Variants in HS6ST3 observed in about 807,000 individuals in gnomAD.
The protein encoded by HS6ST3 is heparan sulfate 6-O-sulfotransferase 3, also known as heparan-sulfate 6-O-sulfotransferase 3.
HS6ST3 carries 12 observed loss-of-function variants against 36.7 expected under a neutral mutation model. The observed-to-expected ratio is 0.33, with a 90% CI of 0.21 to 0.53. HS6ST3 has a LOEUF of 0.53. Among genes scored for constraint, HS6ST3 ranks in the 20% least tolerant of loss-of-function variants. HS6ST3 has a pLI of 0.95. For synonymous variants in HS6ST3, 240 were observed against 257.5 expected, an observed-to-expected ratio of 0.93 and a Z score of 0.65; for missense variants, 584 against 640.9, an observed-to-expected ratio of 0.91 and a Z score of 0.96.
chr13:96,235,956 C>G (rs533779269), intron 1 of HS6ST3, among the ~76,000 whole-genome samples: 1 of 152,270 alleles, frequency 6.6e-6, no homozygotes, highest in Admixed American at 6.5e-5. Context: ...GGAAGCCAAT[C>G]CAAGCCCCAA....
chr13:96,199,462 A>G (rs1487564275), intron 1 of HS6ST3, among the ~76,000 whole-genome samples: 14 of 152,210 alleles, frequency 9.2e-5, no homozygotes, highest in Admixed American at 9.2e-4. Context: ...TAATTTAAAA[A>G]TTAATTATAA....
intron 1 of HS6ST3, among the ~76,000 whole-genome samples, chr13:96,800,861 G>A (rs191861901): frequency 1.5e-3 from 221 of 152,056 alleles, no homozygotes; most frequent in African/African-American, 5.0e-3. Context: ...TTCATCGTCT[G>A]TTATCTCAAA....
At chr13:96,539,436 A>C (rs1594802699) in intron 1 of HS6ST3, among the ~76,000 whole-genome samples, 1 of 151,562 alleles carries the variant, frequency 6.6e-6, no homozygotes, top group African/African-American at 2.4e-5. Context: ...ACTCACTGCA[A>C]CCTCTGCCTC....
intron 1 of HS6ST3, among the ~76,000 whole-genome samples, chr13:96,460,968 C>T (rs2055781504): frequency 6.6e-6 from 1 of 152,170 alleles, no homozygotes; most frequent in Admixed American, 6.5e-5. Flanking sequence ...ATGGAACAAC[C>T]CACTGTAGGC....
chr13:96,540,652 C>T (rs2056174119), intron 1 of HS6ST3, among the ~76,000 whole-genome samples: 1 of 152,204 alleles, frequency 6.6e-6, no homozygotes, highest in Non-Finnish European at 1.5e-5. Flanking sequence ...TAATTACTAA[C>T]ATGCTCTTGT....
intron 1 of HS6ST3, among the ~76,000 whole-genome samples, chr13:96,419,689 A>G (rs2055553321): frequency 6.6e-6 from 1 of 152,172 alleles, no homozygotes; most frequent in African/African-American, 2.4e-5. Flanking sequence ...TAAAACATGT[A>G]GTGAGAAGCT....
chr13:96,474,497 A>G (rs1209848729), intron 1 of HS6ST3, among the ~76,000 whole-genome samples: 1 of 152,198 alleles, frequency 6.6e-6, no homozygotes, highest in Non-Finnish European at 1.5e-5. Context: ...CCAATCACAG[A>G]ATTTAAGAGA....
intron 1 of HS6ST3, among the ~76,000 whole-genome samples, chr13:96,779,156 C>A (rs1017706958): frequency 5.3e-5 from 8 of 151,912 alleles, no homozygotes; most frequent in African/African-American, 1.9e-4. Flanking sequence ...ACATCACACA[C>A]TGGGGCCTAT....
chr13:96,777,737 G>A (rs1362305136), intron 1 of HS6ST3, among the ~76,000 whole-genome samples: 1 of 152,166 alleles, frequency 6.6e-6, no homozygotes, highest in Non-Finnish European at 1.5e-5. Context: ...TCATGAAAAT[G>A]GCGATACTGC....
rs746831114 is a variant in HS6ST3 at position 96,833,292 on chromosome 13, C to T, written c.*94C>T. 9 of 943,428 alleles carry T rather than the reference C, an allele frequency of 9.5e-6. No individual in the cohort carries two copies. The highest frequency in any genetic ancestry group is 3.3e-5 in the African/African-American group (2 of 60,258). The allele number at this position is 943,428 out of a possible 1,614,324, so 58.4% of individuals were successfully genotyped here. A position where few individuals can be genotyped will look rare whatever the true frequency, so the allele number is the denominator to read the frequency against. ...TGGAGAAGCTGAGCCATTCTGAGGA[C>T]ATCTGGCTGTGTGTGCTTGATTTGG... On this transcript the variant is annotated 3_prime_UTR_variant, in exon 2 of 2. Transcript: ENST00000376705.
chr13:96,432,236 G>T (rs1007783703), intron 1 of HS6ST3, among the ~76,000 whole-genome samples: 1 of 152,082 alleles, frequency 6.6e-6, no homozygotes, highest in Non-Finnish European at 1.5e-5. Flanking sequence ...CAAAACTATG[G>T]CTAATGACCC....
chr13:96,799,243 C>G (rs1299915223), intron 1 of HS6ST3, among the ~76,000 whole-genome samples: 1 of 152,060 alleles, frequency 6.6e-6, no homozygotes, highest in East Asian at 1.9e-4. Context: ...TAAAAGTGTT[C>G]CTGTTTCTCC....
chr13:96,251,436 T>C (rs1419362086), intron 1 of HS6ST3, among the ~76,000 whole-genome samples: 1 of 152,128 alleles, frequency 6.6e-6, no homozygotes, highest in African/African-American at 2.4e-5. Context: ...TTGGAATGTC[T>C]CCTCTTTCAT....
chr13:96,716,920 G>A (rs1232643022), intron 1 of HS6ST3, among the ~76,000 whole-genome samples: 2 of 152,206 alleles, frequency 1.3e-5, no homozygotes, highest in Non-Finnish European at 2.9e-5. Context: ...CATGAGCTAG[G>A]AAGGTAATGA....
chr13:96,563,465 C>T (rs891411018), intron 1 of HS6ST3, among the ~76,000 whole-genome samples: 2 of 151,986 alleles, frequency 1.3e-5, no homozygotes, highest in Non-Finnish European at 2.9e-5. Flanking sequence ...ACTCATTAGT[C>T]TTTTATTTTT....
chr13:96,647,537 C>T (rs905011383), intron 1 of HS6ST3, among the ~76,000 whole-genome samples: 1 of 151,924 alleles, frequency 6.6e-6, no homozygotes. Flanking sequence ...CTGGATTAAA[C>T]AAACAAACAA....
chr13:96,645,104 A>C (rs575408212), intron 1 of HS6ST3, among the ~76,000 whole-genome samples: 1 of 152,102 alleles, frequency 6.6e-6, no homozygotes, highest in East Asian at 1.9e-4. Context: ...GGTTACTGGC[A>C]TCAGAACATG....
chr13:96,558,066 C>T (rs1303810096), intron 1 of HS6ST3, among the ~76,000 whole-genome samples: 3 of 152,084 alleles, frequency 2.0e-5, no homozygotes, highest in African/African-American at 7.2e-5. Context: ...TATCGTTTTT[C>T]TTTAAATTCT....
At chr13:96,294,032 G>A (rs1471026046) in intron 1 of HS6ST3, among the ~76,000 whole-genome samples, 2 of 152,114 alleles carry the variant, frequency 1.3e-5, no homozygotes, top group African/African-American at 2.4e-5. Context: ...GACCATTAAT[G>A]TCTAGAGGAA....
Sources: allele counts gnomAD v4.1 joint callset (sites outside exome capture counted in the v4.1 genomes callset), GRCh38; gene constraint gnomAD v4.1.1; transcripts MANE v1.5; gene names NCBI Gene and HGNC (gene_info 2026-07-23, HGNC 2026-07-21).